GALC: variants seen among roughly 807,000 people sequenced by gnomAD.
GALC encodes galactosylceramidase, also known as galactocerebrosidase.
In GALC, 77 loss-of-function variants were observed where a neutral mutation model predicts 91.8. The observed-to-expected ratio is 0.84, with a 90% CI of 0.70 to 1.01. The LOEUF (loss-of-function observed/expected upper bound fraction) is 1.01. Ranked by LOEUF, GALC falls within the 50% of genes least tolerant of loss-of-function variation. GALC has a pLI of 0.00. For missense variants in GALC, 882 were observed against 855.9 expected (o/e 1.03, Z -0.38); for synonymous variants, 357 against 306.7 (o/e 1.16, Z -1.71).
At chr14:87,980,502 T>C in intron 6 of GALC, 1 of 982,674 alleles carries the variant, frequency 1.0e-6, no homozygotes, top group Non-Finnish European at 1.2e-6. Context: ...CATATCCCTT[T>C]ACCTCTCAAT....
At chr14:87,969,669 G>A (rs966553963) in intron 7 of GALC, among the ~76,000 whole-genome samples, 1 of 152,120 alleles carries the variant, frequency 6.6e-6, no homozygotes, top group African/African-American at 2.4e-5. Flanking sequence ...TTGTAGTTTG[G>A]TGTAGTAGTA....
At chr14:87,955,271 T>C (rs1274924521) in intron 10 of GALC, 2 of 762,780 alleles carry the variant, frequency 2.6e-6, no homozygotes, top group African/African-American at 3.5e-5. Flanking sequence ...TTGAAGTAAA[T>C]AAACGATAGG....
chr14:87,962,601 A>G (rs867182463), intron 10 of GALC, among the ~76,000 whole-genome samples: 2,414 of 150,472 alleles, frequency 0.016, 63 homozygotes, highest in African/African-American at 0.056. Flanking sequence ...ACACACACAC[A>G]CACACACACA....
At chr14:87,992,285 A>T in intron 1 of GALC, 1 of 1,535,686 alleles carries the variant, frequency 6.5e-7, no homozygotes, top group Admixed American at 2.0e-5. Context: ...ACAAAACCAA[A>T]AAACAAAAAC....
intron 7 of GALC, among the ~76,000 whole-genome samples, chr14:87,970,704 C>CA (rs78291928): frequency 0.018 from 2,142 of 115,898 alleles, 67 homozygotes; most frequent in East Asian, 0.14. Context: ...ACTAAAAATA[C>CA]AAAAAAAAAA....
intron 1 of GALC, 41 bp downstream of exon 1, chr14:87,992,929 C>T: frequency 4.0e-6 from 6 of 1,493,922 alleles, no homozygotes; most frequent in South Asian, 1.2e-5. Context: ...ACGGGGCGGG[C>T]TCTTGCCGCC....
intron 5 of GALC, among the ~76,000 whole-genome samples, chr14:87,983,662 A>T (rs17203405): frequency 0.11 from 17,216 of 152,282 alleles, 1,145 homozygotes; most frequent in Non-Finnish European, 0.16. Context: ...ATGATTATGG[A>T]GACCCACTAT....
In GALC at chr14:87,968,342, T is replaced by C; in HGVS notation, c.901A>G (p.Met301Val). Reference sequence around the variant, plus strand: ...AGGTTTTTAATAACTTACGAAGTCATATAGCCATTGATATAATTCTGATTT... The same window carrying C: ...AGGTTTTTAATAACTTACGAAGTCACATAGCCATTGATATAATTCTGATTT... ...ILNQNYINGY[M>V]TSTIAWNLVA... is the part of the protein sequence containing the mutation. Residue 301 changes from methionine (M) to valine (V), a missense_variant, in exon 8 of 17, where the codon ATG (methionine) becomes GTG (valine). Coordinates refer to ENST00000261304, the MANE Select transcript of GALC (RefSeq NM_000153.4). 1 of 1,612,390 alleles carries C rather than the reference T, an allele frequency of 6.2e-7. No homozygotes were observed. Among genetic ancestry groups the C allele is most frequent in the Non-Finnish European group, 8.5e-7 (1 of 1,178,980 alleles).
chr14:87,985,190 A>G (rs1886918626), intron 4 of GALC, among the ~76,000 whole-genome samples: 1 of 151,976 alleles, frequency 6.6e-6, no homozygotes, highest in Non-Finnish European at 1.5e-5. Flanking sequence ...AAAAGTACTT[A>G]TTATAATTCT....
chr14:87,988,724 A>G (rs1311753625), intron 1 of GALC, among the ~76,000 whole-genome samples: 4 of 120,096 alleles, frequency 3.3e-5, no homozygotes, highest in East Asian at 3.9e-4. Context: ...TCCGACAGCT[A>G]AAAAAGTTCT....
At chr14:87,962,396 T>C (rs1595211920) in intron 10 of GALC, among the ~76,000 whole-genome samples, 3 of 152,260 alleles carry the variant, frequency 2.0e-5, no homozygotes, top group Admixed American at 6.5e-5. Flanking sequence ...AAAAGGCTTA[T>C]TGGTTTGTGT....
intron 8 of GALC, among the ~76,000 whole-genome samples, chr14:87,965,894 T>C (rs1886031820): frequency 6.6e-6 from 1 of 152,176 alleles, no homozygotes; most frequent in Admixed American, 6.6e-5. Flanking sequence ...TACTGAACTG[T>C]GGTATAGCCA....
At chr14:87,960,162 G>A (rs1301918656) in intron 10 of GALC, among the ~76,000 whole-genome samples, 1 of 151,622 alleles carries the variant, frequency 6.6e-6, no homozygotes, top group East Asian at 1.9e-4. Flanking sequence ...ACAGGAAGAG[G>A]TCGGTCAACG....
chr14:87,988,080 T>A, intron 3 of GALC, 64 bp downstream of exon 3: 1 of 1,203,836 alleles, frequency 8.3e-7, no homozygotes, highest in Non-Finnish European at 1.2e-6. Flanking sequence ...GAAATCACAG[T>A]CCATATGCTG....
chr14:87,971,911 C>A (rs767354853), intron 7 of GALC, among the ~76,000 whole-genome samples: 1 of 152,130 alleles, frequency 6.6e-6, no homozygotes, highest in Non-Finnish European at 1.5e-5. Context: ...AAGGCAGGAA[C>A]GCTTTGTTTG....
chr14:87,939,679 T>G (rs994379123), intron 16 of GALC, among the ~76,000 whole-genome samples: 5 of 151,854 alleles, frequency 3.3e-5, no homozygotes, highest in African/African-American at 1.2e-4. Flanking sequence ...AATAAAATTT[T>G]TTAAAAAAAT....
chr14:87,992,668 TC>T, intron 1 of GALC: 2 of 1,438,936 alleles, frequency 1.4e-6, no homozygotes, highest in Non-Finnish European at 9.1e-7. Flanking sequence ...GGACGAGGGT[TC>T]CAGCCCCGGC....
chr14:87,966,808 A>G (rs966773633), intron 8 of GALC, among the ~76,000 whole-genome samples: 2 of 152,204 alleles, frequency 1.3e-5, no homozygotes, highest in African/African-American at 4.8e-5. Flanking sequence ...ATATACAAAG[A>G]TATTTGTATA....
intron 11 of GALC, 25 bp from the exon 12 acceptor site, chr14:87,949,956 T>C (rs1268091592): frequency 1.7e-6 from 2 of 1,185,966 alleles, no homozygotes; most frequent in Non-Finnish European, 2.5e-6. Context: ...CAAAAAAGCA[T>C]GGCTGAGTAA....
Sources: gnomAD v4.1 joint callset for allele counts (sites outside exome capture counted in the v4.1 genomes callset) on GRCh38, gnomAD v4.1.1 for gene constraint, MANE v1.5 for transcripts, NCBI Gene and HGNC (gene_info 2026-07-23, HGNC 2026-07-21) for gene names.